RAB36: variants seen among roughly 807,000 people sequenced by gnomAD.
The protein encoded by RAB36 is ras-related protein Rab-36.
Under a neutral mutation model 39.3 loss-of-function variants are expected in RAB36, and 33 were observed. The observed-to-expected ratio is 0.84, with a 90% confidence interval of 0.64 to 1.12. RAB36 has a LOEUF of 1.12. RAB36 is among the 50% of genes most tolerant of loss of function. The pLI, the probability that RAB36 is intolerant of heterozygous loss-of-function variation, is 0.00. For synonymous variants in RAB36, 133 were observed against 140.2 expected (o/e 0.95, Z 0.36); for missense variants, 308 against 355.3 (o/e 0.87, Z 1.07).
At position 23,164,648 on chromosome 22, in the gene RAB36, G is replaced by GC. The variant is rs903412709; in HGVS notation, c.*3089dup. Among the ~76,000 whole-genome samples the GC allele has an allele frequency of 3.3e-5, 5 of 152,184 alleles. No homozygotes were observed. The East Asian group carries it at 9.6e-4, about 29-fold the overall frequency. On this transcript the variant is annotated 3_prime_UTR_variant, in exon 11 of 11. Coordinates refer to ENST00000263116, the MANE Select transcript of RAB36 (RefSeq NM_004914.5). ...CTGGTCTTGTGGGCCCAGGCAAGCA[G>GC]CCCCCTGCAGCCAAGGTGCGGCAAT... is the stretch of plus-strand genomic sequence containing the variant.
In RAB36 at chr22:23,162,174, G is replaced by A. The variant is rs975305454; in HGVS notation, c.*610G>A. The A allele has an allele frequency of 3.9e-5, 7 of 177,546 alleles. No homozygotes were observed. Among genetic ancestry groups the A allele is most frequent in the Non-Finnish European group, 7.1e-5 (6 of 83,980 alleles). The allele number at this position is 177,546 out of a possible 1,614,324, so 11.0% of individuals were successfully genotyped here. Reference sequence around the variant, plus strand: ...TCCTGGGCAGACCAGCACCTCTGGAGGACAATGGACAAAATGTCTCTTAGA... The same window carrying A: ...TCCTGGGCAGACCAGCACCTCTGGAAGACAATGGACAAAATGTCTCTTAGA... On this transcript the variant is annotated 3_prime_UTR_variant, in exon 11 of 11. Coordinates refer to ENST00000263116, the MANE Select transcript of RAB36 (RefSeq NM_004914.5).
chr22:23,165,581 ATG>A lies in RAB36; in HGVS notation c.*4019_*4020del. On this transcript the variant is annotated 3_prime_UTR_variant, in exon 11 of 11. Transcript: ENST00000263116. ...AAAGAATTGGACTTCGGGCAGAAAA[ATG>A]TTTGTGCTATTTAGTACTATGTAAC... Among the ~76,000 whole-genome samples the A allele has an allele frequency of 6.6e-6, 1 of 152,198 alleles. No individual in the cohort carries two copies. The highest frequency in any genetic ancestry group is 6.5e-5 in the Admixed American group (1 of 15,284).
intron 9 of RAB36, among the ~76,000 whole-genome samples, chr22:23,160,464 A>G (rs1226286893): frequency 1.3e-5 from 2 of 152,192 alleles, no homozygotes; most frequent in African/African-American, 2.4e-5. Context: ...GCTGACAGCA[A>G]ATCAATCCTC....
chr22:23,153,352 G>A (rs1448599069), intron 5 of RAB36, among the ~76,000 whole-genome samples: 1 of 152,110 alleles, frequency 6.6e-6, no homozygotes, highest in Non-Finnish European at 1.5e-5. Flanking sequence ...TCTGGGGAAG[G>A]TGCTCACAGC....
downstream of RAB36, among the ~76,000 whole-genome samples, chr22:23,167,708 T>C (rs533144793): frequency 2.2e-4 from 31 of 143,250 alleles, 2 homozygotes; most frequent in East Asian, 5.6e-3. Context: ...TTTTAATTAA[T>C]TTATTTTTTT....
At chr22:23,145,915 A>C (rs1441455475) in intron 1 of RAB36, 1 of 937,088 alleles carries the variant, frequency 1.1e-6, no homozygotes, top group Non-Finnish European at 1.3e-6. Context: ...AGTTGGCTGA[A>C]AGTTAAGGCC....
chr22:23,157,769 G>T (rs1434708388), intron 6 of RAB36, among the ~76,000 whole-genome samples: 1 of 152,142 alleles, frequency 6.6e-6, no homozygotes, highest in African/African-American at 2.4e-5. Context: ...TGCCTCCCTG[G>T]ATCCCACACT....
chr22:23,152,522 C>CA lies in RAB36; in HGVS notation c.224dup (p.His75GlnfsTer9). On this transcript the variant is annotated frameshift_variant, in exon 4 of 11. Coordinates refer to ENST00000263116, the MANE Select transcript of RAB36 (RefSeq NM_004914.5). LOFTEE classifies it high-confidence loss of function. ...CTACGTGGGGAAGACCAGCCTCATCCACAGGTACAAGGCTTCCTCTGCCCC... is the reference window on the plus strand; with the variant it reads ...CTACGTGGGGAAGACCAGCCTCATCCAACAGGTACAAGGCTTCCTCTGCCCC... 2 of 1,614,150 alleles carry CA rather than the reference C, an allele frequency of 1.2e-6. No individual in the cohort carries two copies. Among genetic ancestry groups the CA allele is most frequent in the Non-Finnish European group, 1.7e-6 (2 of 1,179,992 alleles).
rs1364885808 is a variant in RAB36 at position 23,165,550 on chromosome 22, C to T, written c.*3986C>T. Among the ~76,000 whole-genome samples the T allele has an allele frequency of 6.6e-6, 1 of 152,236 alleles. No individual in the cohort carries two copies. Among genetic ancestry groups the T allele is most frequent in the Non-Finnish European group, 1.5e-5 (1 of 68,048 alleles). ...TCATGCCAGCTAGAGAGGCTCTGGG[C>T]ACAGGAAAGAATTGGACTTCGGGCA... On this transcript the variant is annotated 3_prime_UTR_variant, in exon 11 of 11. Coordinates refer to ENST00000263116, the MANE Select transcript of RAB36 (RefSeq NM_004914.5).
At chr22:23,153,468 A>T in intron 5 of RAB36, 1 of 651,078 alleles carries the variant, frequency 1.5e-6, no homozygotes, top group Non-Finnish European at 1.9e-6. Flanking sequence ...CCCACTCACC[A>T]GGCCAGCAGG....
intron 3 of RAB36, among the ~76,000 whole-genome samples, chr22:23,150,489 G>A (rs1420497131): frequency 6.6e-6 from 1 of 151,932 alleles, no homozygotes; most frequent in Non-Finnish European, 1.5e-5. Flanking sequence ...TTTTAGTAGA[G>A]ACGGGGTTTC....
At chr22:23,152,756 C>T (rs956255879) in intron 4 of RAB36, among the ~76,000 whole-genome samples, 1 of 152,196 alleles carries the variant, frequency 6.6e-6, no homozygotes, top group South Asian at 2.1e-4. Flanking sequence ...CAGACTGTCC[C>T]CCTGGGGCCA....
rs376835222 is a variant in RAB36, at chr22:23,150,006, C to T, written c.70-57C>T. 5.6e-5 allele frequency: 78 copies of T among 1,383,706 alleles called. 1 individual carries two copies. The South Asian group carries it at 5.9e-4, about 10-fold the overall frequency. 85.7% of individuals were successfully genotyped at this position (1,383,706 alleles called of 1,614,324 possible). A position where few individuals can be genotyped will look rare whatever the true frequency, so the allele number is the denominator to read the frequency against. ...ATCATCTCCCCTCACTGCTTGGCTA[C>T]GAGGGCGGAGCCACAGCTTTGCAGG... On this transcript the variant is annotated intron_variant, in intron 2 of 10. Coordinates refer to ENST00000263116, the MANE Select transcript of RAB36 (RefSeq NM_004914.5).
At chr22:23,161,122 C>G in intron 10 of RAB36, 124 bp downstream of exon 10, 1 of 1,251,520 alleles carries the variant, frequency 8.0e-7, no homozygotes, top group Non-Finnish European at 1.1e-6. Flanking sequence ...TGTCCTTTGA[C>G]CCTCCTCTCA....
At chr22:23,150,792 C>T (rs2071070499) in intron 3 of RAB36, among the ~76,000 whole-genome samples, 1 of 152,178 alleles carries the variant, frequency 6.6e-6, no homozygotes, top group Non-Finnish European at 1.5e-5. Context: ...GTGTCAAGTC[C>T]TCTGGGAGCC....
downstream of RAB36, among the ~76,000 whole-genome samples, chr22:23,166,982 A>G (rs1355236461): frequency 6.6e-6 from 1 of 152,022 alleles, no homozygotes; most frequent in Non-Finnish European, 1.5e-5. Context: ...AACCACAGCA[A>G]TGCTGTGGGC....
At position 23,158,936 on chromosome 22, in the gene RAB36, G is replaced by C. The variant is rs774924906; in HGVS notation, c.485G>C (p.Gly162Ala). The change falls in exon 8 of 11, where the codon GGC (glycine) becomes GCC (alanine). Residue 162 changes from glycine to alanine, a missense_variant. Gly to Ala is a moderately conservative substitution (Grantham distance 60, BLOSUM62 0). Transcript: ENST00000263116. ...GATGCTCTGAGGGAGAACGAGGCAG[G>C]CTCCTGCTTCATCTTCCTCGTGGGA... is the stretch of plus-strand genomic sequence containing the variant. Reference protein sequence around the residue: ...LEDALRENEAGSCFIFLVGTK... With the variant: ...LEDALRENEAASCFIFLVGTK... 40 of 1,614,104 alleles carry C rather than the reference G, an allele frequency of 2.5e-5. No homozygotes were observed. The highest frequency in any genetic ancestry group is 1.3e-5 in the Non-Finnish European group (15 of 1,180,040).
chr22:23,157,889 G>GCAA, intron 6 of RAB36, 103 bp from the exon 7 acceptor site: 1 of 1,581,378 alleles, frequency 6.3e-7, no homozygotes, highest in Middle Eastern at 1.7e-4. Flanking sequence ...GCCTGGTTGG[G>GCAA]GGGCTGCCCT....
rs754106911 is a variant in RAB36, at chr22:23,145,518, CCG to C, written c.-41_-40del. On this transcript the variant is annotated 5_prime_UTR_variant, in exon 1 of 11. Coordinates refer to ENST00000263116, the MANE Select transcript of RAB36 (RefSeq NM_004914.5). ...CCGCCGCTGGCTCAGGCGGACCAGG[CCG>C]CGCGGAGCCCCAGCTTTCACAGCCA... The C allele has an allele frequency of 6.2e-7, 1 of 1,604,320 alleles. No homozygotes were observed. The highest frequency in any genetic ancestry group is 1.1e-5 in the South Asian group (1 of 90,938).
Sources: gnomAD v4.1 joint callset for allele counts (sites outside exome capture counted in the v4.1 genomes callset) on GRCh38, gnomAD v4.1.1 for gene constraint, MANE v1.5 for transcripts, NCBI Gene and HGNC (gene_info 2026-07-23, HGNC 2026-07-21) for gene names.